The following CACNA2D3 variants were observed in gnomAD, a reference collection of about 807,000 sequenced individuals.
CACNA2D3 encodes voltage-dependent calcium channel subunit alpha-2/delta-3.
Under a neutral mutation model 160.6 loss-of-function variants are expected in CACNA2D3, and 60 were observed. The ratio of observed to expected loss-of-function variants is 0.37; its 90% CI spans 0.30 to 0.46. The LOEUF is 0.46. Ranked by LOEUF, CACNA2D3 falls within the 20% of genes least tolerant of loss-of-function variation. The probability of loss-of-function intolerance (pLI) is 1.00; values close to 1 mark genes in which losing one functional copy is unlikely to be tolerated. For synonymous variants in CACNA2D3, 558 were observed against 492.9 expected (o/e 1.13, Z -1.75); for missense variants, 1,205 against 1,365.0 (o/e 0.88, Z 1.85).
At chr3:54,246,656 G>T (rs533393457) in intron 2 of CACNA2D3, among the ~76,000 whole-genome samples, 1 of 151,862 alleles carries the variant, frequency 6.6e-6, no homozygotes, top group Non-Finnish European at 1.5e-5. Context: ...CCTGGGAGAC[G>T]GAGGCTGCAG....
At chr3:54,918,972 G>A (rs1431736659) in intron 27 of CACNA2D3, 3 of 1,207,728 alleles carry the variant, frequency 2.5e-6, no homozygotes, top group Non-Finnish European at 3.3e-6. Context: ...CAAAAACTTA[G>A]GCAGATGGAA....
intron 11 of CACNA2D3, among the ~76,000 whole-genome samples, chr3:54,733,520 A>G (rs567922069): frequency 6.9e-4 from 105 of 152,350 alleles, no homozygotes; most frequent in African/African-American, 2.3e-3. Flanking sequence ...TGAAGCAGCT[A>G]ATTAGAGCCT....
intron 2 of CACNA2D3, among the ~76,000 whole-genome samples, chr3:54,228,952 T>A (rs1441432695): frequency 1.3e-5 from 2 of 152,194 alleles, no homozygotes; most frequent in Non-Finnish European, 2.9e-5. Flanking sequence ...CACATTTGTG[T>A]GTCTCAGATA....
chr3:54,547,765 A>G (rs147339238), intron 5 of CACNA2D3, among the ~76,000 whole-genome samples: 24 of 143,298 alleles, frequency 1.7e-4, no homozygotes, highest in African/African-American at 5.7e-4. Flanking sequence ...GCTCACTGCA[A>G]CCTCAAACTC....
chr3:54,575,161 A>G (rs184496380), intron 8 of CACNA2D3, among the ~76,000 whole-genome samples: 69 of 152,332 alleles, frequency 4.5e-4, no homozygotes, highest in African/African-American at 1.6e-3. Context: ...TTTATTACAT[A>G]ATCCCTACAT....
At chr3:54,464,363 C>T (rs550417205) in intron 4 of CACNA2D3, among the ~76,000 whole-genome samples, 3 of 152,292 alleles carry the variant, frequency 2.0e-5, no homozygotes, top group Admixed American at 6.5e-5. Flanking sequence ...TTTGTCTGTG[C>T]CCTGCCCCCA....
At chr3:54,814,683 G>A (rs1703409434) in intron 13 of CACNA2D3, among the ~76,000 whole-genome samples, 2 of 152,202 alleles carry the variant, frequency 1.3e-5, no homozygotes, top group Admixed American at 6.5e-5. Flanking sequence ...TTTGTGGGGA[G>A]GATGAGGGCA....
chr3:54,232,545 G>A (rs960041502), intron 2 of CACNA2D3, among the ~76,000 whole-genome samples: 1 of 152,150 alleles, frequency 6.6e-6, no homozygotes, highest in Non-Finnish European at 1.5e-5. Context: ...TTGCATGAGG[G>A]TTTTTGTTTC....
At chr3:54,344,186 G>A (rs1430457827) in intron 3 of CACNA2D3, among the ~76,000 whole-genome samples, 2 of 152,118 alleles carry the variant, frequency 1.3e-5, no homozygotes, top group Non-Finnish European at 2.9e-5. Flanking sequence ...TTAGGTTCCC[G>A]CAGCCTCTCT....
intron 9 of CACNA2D3, among the ~76,000 whole-genome samples, chr3:54,613,830 A>G (rs983241282): frequency 6.6e-6 from 1 of 152,190 alleles, no homozygotes; most frequent in Non-Finnish European, 1.5e-5. Context: ...TGGTACCTAC[A>G]AACACTATTT....
At chr3:54,685,885 A>T (rs148430978) in intron 11 of CACNA2D3, among the ~76,000 whole-genome samples, 2 of 152,214 alleles carry the variant, frequency 1.3e-5, no homozygotes, top group South Asian at 4.1e-4. Flanking sequence ...ATTAACTTAT[A>T]TACACATGTG....
chr3:54,758,997 A>G (rs1702031930), intron 12 of CACNA2D3, among the ~76,000 whole-genome samples: 1 of 152,236 alleles, frequency 6.6e-6, no homozygotes, highest in African/African-American at 2.4e-5. Context: ...TCTCATGCTC[A>G]GGCAGCTTTG....
At chr3:54,316,039 A>T (rs1362624229) in intron 2 of CACNA2D3, among the ~76,000 whole-genome samples, 1 of 152,146 alleles carries the variant, frequency 6.6e-6, no homozygotes, top group African/African-American at 2.4e-5. Context: ...GTGAATGTAC[A>T]ATCACATTGT....
rs373877140 is a variant in CACNA2D3 at position 54,650,770 on chromosome 3, G to A, written c.1167+8529G>A. ...CCTGCCTCAGTCTCCCAAAGTGCTG[G>A]GATTACAGGCCTGAGCCACTGTGCC... On this transcript the variant is annotated intron_variant, in intron 11 of 37. Transcript: ENST00000474759. Among the ~76,000 whole-genome samples the A allele has an allele frequency of 4.1e-4, 62 of 152,254 alleles. 1 individual carries two copies. Among genetic ancestry groups the A allele is most frequent in the African/African-American group, 1.4e-3 (59 of 41,548 alleles).
intron 2 of CACNA2D3, among the ~76,000 whole-genome samples, chr3:54,151,379 A>G (rs1700149894): frequency 6.6e-6 from 1 of 150,722 alleles, no homozygotes; most frequent in Admixed American, 6.6e-5. Flanking sequence ...GGACAGGTGG[A>G]TGAGTAGATG....
At chr3:55,038,492 T>C (rs890234876) in intron 35 of CACNA2D3, among the ~76,000 whole-genome samples, 1 of 152,236 alleles carries the variant, frequency 6.6e-6, no homozygotes, top group East Asian at 1.9e-4. Flanking sequence ...CATCTACAGG[T>C]GTGAACATAA....
chr3:54,801,816 G>GT (rs1702994720), intron 13 of CACNA2D3, among the ~76,000 whole-genome samples: 1 of 151,836 alleles, frequency 6.6e-6, no homozygotes, highest in East Asian at 1.9e-4. Flanking sequence ...AAAAAAAATT[G>GT]AAGTCCCATC....
intron 2 of CACNA2D3, among the ~76,000 whole-genome samples, chr3:54,159,829 T>TA (rs762112232): frequency 4.6e-5 from 7 of 151,916 alleles, no homozygotes; most frequent in African/African-American, 1.4e-4. Flanking sequence ...ATAGACTTTA[T>TA]AAAAAAAAGA....
chr3:54,403,021 C>T (rs1699499144), intron 4 of CACNA2D3, among the ~76,000 whole-genome samples: 1 of 152,062 alleles, frequency 6.6e-6, no homozygotes, highest in East Asian at 1.9e-4. Context: ...CAACATGCTC[C>T]TGAACAACCC....
Sources: gnomAD v4.1 joint callset for allele counts (sites outside exome capture counted in the v4.1 genomes callset) on GRCh38, gnomAD v4.1.1 for gene constraint, MANE v1.5 for transcripts, NCBI Gene and HGNC (gene_info 2026-07-23, HGNC 2026-07-21) for gene names.